The following LONP2 variants were observed in gnomAD, a reference collection of about 807,000 sequenced individuals.
The protein encoded by LONP2 is lon protease homolog 2, peroxisomal.
LONP2 carries 60 observed loss-of-function variants against 85.6 expected under a neutral mutation model. The ratio of observed to expected loss-of-function variants is 0.70; its 90% CI spans 0.57 to 0.87. The LOEUF (loss-of-function observed/expected upper bound fraction) is 0.87, where lower values mean the gene tolerates loss of function less well. Ranked by LOEUF, LONP2 falls within the 40% of genes least tolerant of loss-of-function variation. The pLI is 0.00. For missense variants in LONP2, 860 were observed against 1,063.5 expected (o/e 0.81, Z 2.66); for synonymous variants, 395 against 389.7 (o/e 1.01, Z -0.16).
Position 48,355,074 on chromosome 16 carries a change from C to A in LONP2, c.*3272C>A, listed in dbSNP as rs774353294. 6.6e-6 allele frequency: 1 copy of A among 152,152 alleles called. No individual in the cohort carries two copies. The highest frequency in any genetic ancestry group is 1.5e-5 in the Non-Finnish European group (1 of 68,042). The allele number at this position is 152,152 out of a possible 1,614,324, so 9.4% of individuals were successfully genotyped here. A position where few individuals can be genotyped will look rare whatever the true frequency, so the allele number is the denominator to read the frequency against. On this transcript the variant is annotated 3_prime_UTR_variant, in exon 15 of 15. Coordinates refer to ENST00000285737, the MANE Select transcript of LONP2 (RefSeq NM_031490.5). ...CCACTCATCTGCTGATTGTTTCCCC[C>A]TCTTGGGTATTATGAGTAATGCTAT...
chr16:48,260,692 A>G (rs973205543), intron 4 of LONP2, among the ~76,000 whole-genome samples: 3 of 152,254 alleles, frequency 2.0e-5, no homozygotes, highest in South Asian at 4.1e-4. Flanking sequence ...CAAGGAGCAT[A>G]TAAGGTAGTT....
At chr16:48,332,774 G>A (rs970048258) in intron 11 of LONP2, among the ~76,000 whole-genome samples, 4 of 151,742 alleles carry the variant, frequency 2.6e-5, no homozygotes, top group African/African-American at 9.7e-5. Context: ...CGGGCATGGT[G>A]TTGTGCACCA....
At chr16:48,333,666 TGGG>T (rs1414648683) in intron 11 of LONP2, among the ~76,000 whole-genome samples, 1 of 102,770 alleles carries the variant, frequency 9.7e-6, no homozygotes, top group Non-Finnish European at 1.9e-5. Context: ...AAAAAAGTGT[TGGG>T]GGGAGAGAGA....
intron 11 of LONP2, among the ~76,000 whole-genome samples, chr16:48,306,152 T>A (rs544858250): frequency 1.5e-3 from 221 of 152,326 alleles, no homozygotes; most frequent in African/African-American, 5.0e-3. Context: ...TTGTCTGATA[T>A]AACAGAAGGT....
At position 48,356,635 on chromosome 16, in the gene LONP2, A is replaced by G. The variant is rs978170385; in HGVS notation, c.*4833A>G. On this transcript the variant is annotated 3_prime_UTR_variant, in exon 15 of 15. Transcript: ENST00000285737. ...ACATTTGGTGGATACCACAATGAAA[A>G]CTGCACTTAAAAAACAAAAATGCTG... 4 of 352,100 alleles carry G rather than the reference A, an allele frequency of 1.1e-5. No individual in the cohort carries two copies. The highest frequency in any genetic ancestry group is 8.5e-5 in the African/African-American group (4 of 46,812). The allele number at this position is 352,100 out of a possible 1,614,324, so 21.8% of individuals were successfully genotyped here.
Position 48,356,601 on chromosome 16 carries a change from G to A in LONP2, c.*4799G>A, listed in dbSNP as rs8053839. ...ACACTAATGCTCATTTTTTTTGTTT[G>A]TTTTACAAACATTTGGTGGATACCA... On this transcript the variant is annotated 3_prime_UTR_variant, in exon 15 of 15. Coordinates refer to ENST00000285737, the MANE Select transcript of LONP2 (RefSeq NM_031490.5). The A allele has an allele frequency of 4.1e-6, 1 of 243,188 alleles. No homozygotes were observed. The highest frequency in any genetic ancestry group is 5.0e-5 in the Admixed American group (1 of 20,196). 15.1% of individuals were successfully genotyped at this position (243,188 alleles called of 1,614,324 possible).
chr16:48,314,282 T>C (rs1973096282), intron 11 of LONP2, among the ~76,000 whole-genome samples: 1 of 152,198 alleles, frequency 6.6e-6, no homozygotes, highest in Non-Finnish European at 1.5e-5. Context: ...TACTTTCTTT[T>C]GCTGTGCAGA....
chr16:48,276,238 A>G (rs143714800), intron 7 of LONP2, among the ~76,000 whole-genome samples: 1 of 152,330 alleles, frequency 6.6e-6, no homozygotes, highest in African/African-American at 2.4e-5. Context: ...TCCCGGATGA[A>G]AGGCATTCCC....
At position 48,258,742 on chromosome 16, in the gene LONP2, T is replaced by C; in HGVS notation, c.723+2T>C. On this transcript the variant is annotated splice_donor_variant, in intron 4 of 14. Coordinates refer to ENST00000285737, the MANE Select transcript of LONP2 (RefSeq NM_031490.5). LOFTEE classifies it high-confidence loss of function. ...CCCAAGCAAGATGATGATAAGAGGG[T>C]AAATATTTATTTTAACCCATTTCAG... The C allele has an allele frequency of 1.3e-6, 2 of 1,594,112 alleles. No homozygotes were observed.
chr16:48,349,059 C>T (rs1006790348), intron 14 of LONP2, among the ~76,000 whole-genome samples: 2 of 152,030 alleles, frequency 1.3e-5, no homozygotes, highest in African/African-American at 4.8e-5. Flanking sequence ...TATCTAATGA[C>T]TACATTTTGA....
At chr16:48,336,257 TAA>T in intron 12 of LONP2, 1 of 404,718 alleles carries the variant, frequency 2.5e-6, no homozygotes, top group Non-Finnish European at 5.0e-6. Flanking sequence ...AGAAATTTTA[TAA>T]ACACTGCTTA....
At chr16:48,268,158 C>T (rs1972030227) in intron 6 of LONP2, among the ~76,000 whole-genome samples, 1 of 152,038 alleles carries the variant, frequency 6.6e-6, no homozygotes, top group African/African-American at 2.4e-5. Flanking sequence ...AGCATGCTTT[C>T]TGAATCATTA....
In LONP2 at chr16:48,354,024, G is replaced by T. The variant is rs536974282; in HGVS notation, c.*2222G>T. On this transcript the variant is annotated 3_prime_UTR_variant, in exon 15 of 15. Transcript: ENST00000285737. ...GTTTTTTTTTTAATTCCAGGGGTGG[G>T]AGGTTGGTTGGTTGAAGTCTAAGCT... 11 of 140,428 alleles carry T rather than the reference G, an allele frequency of 7.8e-5. No individual in the cohort carries two copies. The highest frequency in any genetic ancestry group is 3.0e-4 in the African/African-American group (11 of 37,122). The allele number at this position is 140,428 out of a possible 1,614,324, so 8.7% of individuals were successfully genotyped here. A position where few individuals can be genotyped will look rare whatever the true frequency, so the allele number is the denominator to read the frequency against.
intron 6 of LONP2, among the ~76,000 whole-genome samples, chr16:48,264,177 CG>C (rs1971938750): frequency 2.0e-5 from 3 of 152,078 alleles, no homozygotes; most frequent in Non-Finnish European, 2.9e-5. Flanking sequence ...TATCAGGAGA[CG>C]GGGTTTTGAG....
chr16:48,254,564 C>T (rs2150964379), intron 2 of LONP2, among the ~76,000 whole-genome samples: 1 of 151,996 alleles, frequency 6.6e-6, no homozygotes, highest in South Asian at 2.1e-4. Context: ...GAGGTTTCAC[C>T]ATGTTGGCCA....
downstream of LONP2, among the ~76,000 whole-genome samples, chr16:48,359,099 T>C (rs1205978372): frequency 6.6e-6 from 1 of 151,956 alleles, no homozygotes; most frequent in Non-Finnish European, 1.5e-5. Flanking sequence ...GGGATTCTTC[T>C]GCCTCAGCTT....
At chr16:48,361,555 G>A (rs778607180), downstream of LONP2, 12 of 1,605,932 alleles carry the variant, frequency 7.5e-6, no homozygotes, top group South Asian at 1.1e-5. Context: ...TTTAAACACT[G>A]GCCAGAAAAT....
chr16:48,293,532 A>C (rs1246964454), intron 8 of LONP2, among the ~76,000 whole-genome samples: 2 of 152,208 alleles, frequency 1.3e-5, no homozygotes, highest in African/African-American at 2.4e-5. Flanking sequence ...GAGACTACGT[A>C]TAAGAAACAC....
At position 48,355,725 on chromosome 16, in the gene LONP2, CTA is replaced by C. The variant is rs1960321433; in HGVS notation, c.*3925_*3926del. 3 of 152,250 alleles carry C rather than the reference CTA, an allele frequency of 2.0e-5. No individual in the cohort carries two copies. In the South Asian group the frequency reaches 6.2e-4, roughly 32 times the overall value. The allele number at this position is 152,250 out of a possible 1,614,324, so 9.4% of individuals were successfully genotyped here. A position where few individuals can be genotyped will look rare whatever the true frequency, so the allele number is the denominator to read the frequency against. The stretch of plus-strand genomic sequence containing the variant: ...CAAATGGGTGTGACGTATTTTGATT[CTA>C]TGTCCCTAATGACTAGTGATGTTGA... On this transcript the variant is annotated 3_prime_UTR_variant, in exon 15 of 15. Coordinates refer to ENST00000285737, the MANE Select transcript of LONP2 (RefSeq NM_031490.5).
Sources: allele counts gnomAD v4.1 joint callset (sites outside exome capture counted in the v4.1 genomes callset), GRCh38; gene constraint gnomAD v4.1.1; transcripts MANE v1.5; gene names NCBI Gene and HGNC (gene_info 2026-07-23, HGNC 2026-07-21).